EPB41L1: variants seen among roughly 807,000 people sequenced by gnomAD.
EPB41L1 encodes the protein erythrocyte membrane protein band 4.1 like 1.
A neutral mutation model predicts 97.8 loss-of-function variants in EPB41L1; 29 were observed. The ratio of observed to expected loss-of-function variants is 0.30; its 90% CI spans 0.22 to 0.40. EPB41L1 has a LOEUF of 0.40. Among genes scored for constraint, EPB41L1 ranks in the 10% least tolerant of loss-of-function variants. The probability of loss-of-function intolerance (pLI) is 1.00; values close to 1 mark genes in which losing one functional copy is unlikely to be tolerated. For missense variants in EPB41L1, 812 were observed against 1,162.3 expected (o/e 0.70, Z 4.38); for synonymous variants, 383 against 459.2 (o/e 0.83, Z 2.12).
chr20:36,194,443 T>C, intron 12 of EPB41L1, 83 bp downstream of exon 12: 1 of 1,517,910 alleles, frequency 6.6e-7, no homozygotes, highest in Non-Finnish European at 8.9e-7. Context: ...GACCTTCACA[T>C]GCCTCCAGCT....
chr20:36,229,185 T>TAA, intron 21 of EPB41L1, 147 bp from the exon 22 acceptor site: 2 of 688,972 alleles, frequency 2.9e-6, no homozygotes, highest in African/African-American at 1.8e-5. Flanking sequence ...TGAGTCACAA[T>TAA]AAAGGGCATA....
At chr20:36,208,642 T>C (rs943833006) in intron 14 of EPB41L1, among the ~76,000 whole-genome samples, 1 of 152,244 alleles carries the variant, frequency 6.6e-6, no homozygotes, top group Non-Finnish European at 1.5e-5. Context: ...CCAAGTTCTT[T>C]ACAAATCTTT....
rs1568993651 is a variant in EPB41L1, at chr20:36,093,684, CGTGCGTGT to C, written c.-65+2076_-65+2083del. Among the ~76,000 whole-genome samples, 1 of 143,132 alleles carries C rather than the reference CGTGCGTGT, an allele frequency of 7.0e-6. No individual in the cohort carries two copies. Among genetic ancestry groups the C allele is most frequent in the Non-Finnish European group, 1.5e-5 (1 of 65,964 alleles). 93.9% of individuals were successfully genotyped at this position (143,132 alleles called of 152,430 possible). On this transcript the variant is annotated intron_variant, in intron 1 of 19. Transcript: ENST00000202028. The surrounding 1 kb of genome is among the most constrained non-coding windows in gnomAD (Gnocchi z 5.4). ...TGCTTGAAGCCCGTGTGCGTGCGTG[CGTGCGTGT>C]GTGTGTGTGTGTATGTGTATGCGTG...
intron 1 of EPB41L1, chr20:36,155,845 G>C (rs916351574): frequency 2.9e-6 from 1 of 350,006 alleles, no homozygotes; most frequent in Non-Finnish European, 5.7e-6. Flanking sequence ...AATGTGAGAC[G>C]GCCAGATTTA....
chr20:36,219,651 G>T, intron 18 of EPB41L1, 110 bp from the exon 19 acceptor site: 1 of 856,758 alleles, frequency 1.2e-6, no homozygotes, highest in South Asian at 1.3e-5. Context: ...AAAGCATCTT[G>T]GCTTCGAAAC....
chr20:36,174,868 A>G lies in EPB41L1; in HGVS notation c.178-683A>G, dbSNP rs921926932. Among the ~76,000 whole-genome samples, 3 of 152,240 alleles carry G rather than the reference A, an allele frequency of 2.0e-5. No homozygotes were observed. The South Asian group carries it at 6.2e-4, about 31-fold the overall frequency. Reference sequence around the variant, plus strand: ...AAGTAACAGAGGTGAAGACAAATCTAGATCTGATTTTGAAGGCTGAGTTCT... The same window carrying G: ...AAGTAACAGAGGTGAAGACAAATCTGGATCTGATTTTGAAGGCTGAGTTCT... On this transcript the variant is annotated intron_variant, in intron 2 of 21. Coordinates refer to ENST00000338074, the MANE Select transcript of EPB41L1 (RefSeq NM_012156.2).
rs989658345 is a variant in EPB41L1 at position 36,093,330 on chromosome 20, T to C, written c.-65+1718T>C. Among the ~76,000 whole-genome samples the C allele has an allele frequency of 2.0e-5, 3 of 151,388 alleles. No individual in the cohort carries two copies. The highest frequency in any genetic ancestry group is 6.6e-5 in the Admixed American group (1 of 15,246). ...AGCCTGTGGCGGGTGTGGGTGTGTGTGTGCGCGCGCGTCGCTGTGTGCGCG... is the reference window on the plus strand; with the variant it reads ...AGCCTGTGGCGGGTGTGGGTGTGTGCGTGCGCGCGCGTCGCTGTGTGCGCG... On this transcript the variant is annotated intron_variant, in intron 1 of 19. Coordinates refer to the EPB41L1 transcript ENST00000202028. This position sits in a 1 kb window ranked among gnomAD's most constrained non-coding sequence, Gnocchi z 5.4.
chr20:36,133,739 C>T (rs1248585198), intron 2 of EPB41L1, among the ~76,000 whole-genome samples: 1 of 151,918 alleles, frequency 6.6e-6, no homozygotes, highest in East Asian at 1.9e-4. Context: ...CCTCTGTGGT[C>T]CCAACTACTC....
At chr20:36,096,357 T>C (rs2147461819) in intron 1 of EPB41L1, among the ~76,000 whole-genome samples, 2 of 152,338 alleles carry the variant, frequency 1.3e-5, no homozygotes, top group Middle Eastern at 3.4e-3. Flanking sequence ...GACAGTGTGC[T>C]GTGGACCAGG....
At chr20:36,163,779 A>G (rs2060626658) in intron 1 of EPB41L1, among the ~76,000 whole-genome samples, 1 of 152,184 alleles carries the variant, frequency 6.6e-6, no homozygotes, top group Non-Finnish European at 1.5e-5. Context: ...AGCCACCACC[A>G]GGACCACAGA....
rs2057684234 is a variant in EPB41L1 at position 36,092,386 on chromosome 20, C to A, written c.-65+774C>A. Among the ~76,000 whole-genome samples, 2 of 152,188 alleles carry A rather than the reference C, an allele frequency of 1.3e-5. No individual in the cohort carries two copies. The highest frequency in any genetic ancestry group is 2.4e-5 in the African/African-American group (1 of 41,538). On this transcript the variant is annotated intron_variant, in intron 1 of 19. Coordinates refer to the EPB41L1 transcript ENST00000202028. The surrounding 1 kb of genome is among the most constrained non-coding windows in gnomAD (Gnocchi z 7.0). Reference sequence around the variant, plus strand: ...GCAGCTCAGGTTGACGCCGGGCCCACGTGGGGAAGCCGGCGGCGGGTCCCC... The same window carrying A: ...GCAGCTCAGGTTGACGCCGGGCCCAAGTGGGGAAGCCGGCGGCGGGTCCCC...
chr20:36,192,786 G>T lies in EPB41L1; in HGVS notation c.1301-1426G>T, dbSNP rs1472761229. On this transcript the variant is annotated intron_variant, in intron 11 of 21. Transcript: ENST00000338074. The stretch of plus-strand genomic sequence containing the variant: ...TGTTGTGGTTCAAGCAATGGGAAAA[G>T]CATGTGTAGAATGTAGAGTAGCCAT... 2.0e-5 allele frequency among the ~76,000 whole-genome samples: 3 copies of T among 152,164 alleles called. No individual in the cohort carries two copies. In the East Asian group the frequency reaches 5.8e-4, roughly 29 times the overall value.
intron 21 of EPB41L1, among the ~76,000 whole-genome samples, chr20:36,227,239 T>A (rs1392837713): frequency 6.6e-6 from 1 of 151,880 alleles, no homozygotes; most frequent in Non-Finnish European, 1.5e-5. Flanking sequence ...ATTGCTTGAG[T>A]CCAGGAGGTC....
Position 36,209,825 on chromosome 20 carries a change from A to G in EPB41L1, c.2006A>G (p.Asp669Gly). ...CTCAACAAGGGGGCCCCCAGCCAGG[A>G]TGATGAGTCTGGGGGCATTGAGGAC... ...RDLNKGAPSQ[D>G]DESGGIEDSP... The change falls in exon 15 of 22, where the codon GAT becomes GGT. Residue 669 changes from aspartate to glycine, a missense_variant. Physicochemically the swap from Asp to Gly is moderately conservative, Grantham distance 94. Coordinates refer to ENST00000338074, the MANE Select transcript of EPB41L1 (RefSeq NM_012156.2). This position sits in a 1 kb window ranked among gnomAD's most constrained non-coding sequence, Gnocchi z 4.2. 6.2e-7 allele frequency: 1 copy of G among 1,613,772 alleles called. No homozygotes were observed. The highest frequency in any genetic ancestry group is 1.1e-5 in the South Asian group (1 of 91,070).
intron 17 of EPB41L1, among the ~76,000 whole-genome samples, chr20:36,217,102 CAG>C (rs1198407600): frequency 6.6e-6 from 1 of 152,130 alleles, no homozygotes; most frequent in African/African-American, 2.4e-5. Context: ...CTGATGTAAA[CAG>C]AGTGATGGGG....
chr20:36,205,977 A>C, intron 14 of EPB41L1: 1 of 1,289,870 alleles, frequency 7.8e-7, no homozygotes, highest in Non-Finnish European at 1.0e-6. Context: ...CCAACGGCAG[A>C]CTCTCCAAGG....
chr20:36,158,471 A>C (rs960062916), intron 1 of EPB41L1, among the ~76,000 whole-genome samples: 12 of 152,300 alleles, frequency 7.9e-5, no homozygotes, highest in African/African-American at 2.9e-4. Flanking sequence ...AAGGGCACCC[A>C]CTTCCCCAGG....
chr20:36,168,593 C>T (rs544077042), intron 1 of EPB41L1, among the ~76,000 whole-genome samples: 43 of 151,428 alleles, frequency 2.8e-4, no homozygotes, highest in African/African-American at 7.3e-4. Context: ...TGCAGTGGCG[C>T]GATCTCGGCT....
intron 14 of EPB41L1, chr20:36,208,361 C>T (rs574936083): frequency 4.9e-5 from 22 of 452,080 alleles, no homozygotes; most frequent in South Asian, 3.4e-4. Context: ...AGCCAACACC[C>T]CTGGGAAGGG....
Sources: gnomAD v4.1 joint callset for allele counts (sites outside exome capture counted in the v4.1 genomes callset) on GRCh38, gnomAD v4.1.1 for gene constraint, Gnocchi (gnomAD v3.1) non-coding constraint, MANE v1.5 for transcripts, NCBI Gene and HGNC (gene_info 2026-07-23, HGNC 2026-07-21) for gene names.